Variants in ASTN1 observed in about 807,000 individuals in gnomAD.
The protein encoded by ASTN1 is astrotactin-1.
ASTN1 carries 41 observed loss-of-function variants against 140.7 expected under a neutral mutation model. The observed-to-expected ratio is 0.29, with a 90% CI of 0.23 to 0.38. ASTN1 has a LOEUF of 0.38. Ranked by LOEUF, ASTN1 falls within the 10% of genes least tolerant of loss-of-function variation. ASTN1 has a pLI of 1.00. For synonymous variants in ASTN1, 640 were observed against 652.2 expected (o/e 0.98, Z 0.29); for missense variants, 1,479 against 1,678.8 (o/e 0.88, Z 2.08).
intron 3 of ASTN1, among the ~76,000 whole-genome samples, chr1:177,031,585 T>C (rs1262544192): frequency 2.0e-5 from 3 of 152,214 alleles, no homozygotes; most frequent in Admixed American, 6.5e-5. Context: ...TGGCTCTTCA[T>C]GTAGAATGTC....
intron 16 of ASTN1, among the ~76,000 whole-genome samples, chr1:176,900,824 C>G (rs906904812): frequency 6.6e-6 from 1 of 152,208 alleles, no homozygotes; most frequent in Non-Finnish European, 1.5e-5. Flanking sequence ...AATGCCTGTT[C>G]ACTTACCTGC....
intron 1 of ASTN1, among the ~76,000 whole-genome samples, chr1:177,070,042 A>G (rs1678562517): frequency 6.6e-6 from 1 of 152,228 alleles, no homozygotes; most frequent in Non-Finnish European, 1.5e-5. Context: ...GGTATGTAAT[A>G]ATATTTAAAC....
intron 2 of ASTN1, among the ~76,000 whole-genome samples, chr1:177,051,508 G>T (rs937055774): frequency 2.0e-5 from 3 of 152,212 alleles, no homozygotes; most frequent in African/African-American, 4.8e-5. Flanking sequence ...TTAACATCTG[G>T]TCCTTTATAG....
At chr1:177,073,949 T>C (rs1678769403) in intron 1 of ASTN1, among the ~76,000 whole-genome samples, 1 of 152,018 alleles carries the variant, frequency 6.6e-6, no homozygotes, top group African/African-American at 2.4e-5. Flanking sequence ...ATAACCTTTT[T>C]TAATTCCTGG....
intron 8 of ASTN1, among the ~76,000 whole-genome samples, chr1:177,008,850 C>T (rs145997068): frequency 1.2e-4 from 19 of 152,070 alleles, no homozygotes; most frequent in African/African-American, 4.1e-4. Context: ...GGGCAGGAAA[C>T]GAGGGCACCC....
chr1:177,122,106 A>G (rs1311258501), intron 1 of ASTN1, among the ~76,000 whole-genome samples: 1 of 152,156 alleles, frequency 6.6e-6, no homozygotes, highest in Non-Finnish European at 1.5e-5. Flanking sequence ...TGGGGACCCT[A>G]CTGTTACCTG....
At chr1:176,860,832 G>A (rs1341310082), downstream of ASTN1, among the ~76,000 whole-genome samples, 4 of 152,092 alleles carry the variant, frequency 2.6e-5, no homozygotes, top group Non-Finnish European at 4.4e-5. Flanking sequence ...ACATTTCACC[G>A]GCTACTTATT....
intron 2 of ASTN1, among the ~76,000 whole-genome samples, chr1:177,047,363 CAGGGAGGTCCAGAAAATAT>C (rs1291360956): frequency 2.4e-4 from 37 of 151,342 alleles, no homozygotes; most frequent in African/African-American, 9.1e-4. Flanking sequence ...CAAAATATGA[CAGGGAGGTCCAGAAAATAT>C]GACTGATTGT....
chr1:176,998,738 G>T (rs985478323), intron 8 of ASTN1, among the ~76,000 whole-genome samples: 2 of 152,210 alleles, frequency 1.3e-5, no homozygotes, highest in Non-Finnish European at 2.9e-5. Context: ...GAGAGGGAGA[G>T]CAAGACATAA....
At chr1:176,952,242 CT>C (rs1173135386) in intron 11 of ASTN1, among the ~76,000 whole-genome samples, 1 of 145,844 alleles carries the variant, frequency 6.9e-6, no homozygotes, top group Non-Finnish European at 1.5e-5. Context: ...TTCTTTCTTT[CT>C]TTTTTTTCTC....
chr1:176,880,722 A>G (rs1400902381), intron 20 of ASTN1, among the ~76,000 whole-genome samples: 2 of 152,206 alleles, frequency 1.3e-5, no homozygotes, highest in Non-Finnish European at 2.9e-5. Context: ...CTCTGCTTTA[A>G]TATGAGGTAA....
intron 1 of ASTN1, among the ~76,000 whole-genome samples, chr1:177,114,642 A>G (rs193015256): frequency 1.3e-5 from 2 of 151,992 alleles, no homozygotes; most frequent in East Asian, 3.9e-4. Flanking sequence ...TCTTACACTT[A>G]TTTGTTTCTG....
chr1:176,906,454 C>G (rs1670003624), intron 16 of ASTN1, among the ~76,000 whole-genome samples: 1 of 152,154 alleles, frequency 6.6e-6, no homozygotes, highest in African/African-American at 2.4e-5. Flanking sequence ...TGCTCATTTT[C>G]CAGTTTGCAA....
chr1:177,160,151 AG>A (rs978273255), intron 1 of ASTN1, among the ~76,000 whole-genome samples: 1 of 152,218 alleles, frequency 6.6e-6, no homozygotes, highest in African/African-American at 2.4e-5. Flanking sequence ...CATGTAAAAT[AG>A]TAGCTCAGAG....
At chr1:177,089,456 A>G (rs1345733834) in intron 1 of ASTN1, among the ~76,000 whole-genome samples, 1 of 152,172 alleles carries the variant, frequency 6.6e-6, no homozygotes, top group African/African-American at 2.4e-5. Flanking sequence ...AGAGAGACGC[A>G]CTGGGACATC....
intron 1 of ASTN1, among the ~76,000 whole-genome samples, chr1:177,096,233 A>C (rs997182686): frequency 6.6e-6 from 1 of 152,140 alleles, no homozygotes; most frequent in African/African-American, 2.4e-5. Flanking sequence ...CCTATATCTG[A>C]TTTAGATAGT....
At chr1:176,944,437 T>C (rs1460445204) in intron 13 of ASTN1, among the ~76,000 whole-genome samples, 2 of 152,164 alleles carry the variant, frequency 1.3e-5, no homozygotes, top group East Asian at 3.9e-4. Context: ...TTTTTTGTAT[T>C]TTTTGTAGAG....
intron 18 of ASTN1, among the ~76,000 whole-genome samples, chr1:176,887,236 A>G (rs929558163): frequency 6.6e-6 from 1 of 152,108 alleles, no homozygotes; most frequent in Non-Finnish European, 1.5e-5. Context: ...GCAGAGCTCC[A>G]TCTTTCTTTC....
chr1:176,941,478 C>T (rs974231358), intron 14 of ASTN1, among the ~76,000 whole-genome samples: 6 of 152,170 alleles, frequency 3.9e-5, no homozygotes, highest in Non-Finnish European at 7.3e-5. Flanking sequence ...ATAAAAGTGT[C>T]CCATCTGGGC....
Sources: gnomAD v4.1 joint callset for allele counts (sites outside exome capture counted in the v4.1 genomes callset) on GRCh38, gnomAD v4.1.1 for gene constraint, MANE v1.5 for transcripts, NCBI Gene and HGNC (gene_info 2026-07-23, HGNC 2026-07-21) for gene names.